The following SND1 variants were observed in gnomAD, a reference collection of about 807,000 sequenced individuals.
SND1 encodes the protein staphylococcal nuclease domain-containing protein 1.
A neutral mutation model predicts 121.7 loss-of-function variants in SND1; 38 were observed. That is an observed-to-expected ratio of 0.31 (90% CI 0.24 to 0.41). The LOEUF (loss-of-function observed/expected upper bound fraction) is 0.41, where lower values mean the gene tolerates loss of function less well. SND1 is among the 10% of genes least tolerant of loss of function. The pLI, the probability that SND1 is intolerant of heterozygous loss-of-function variation, is 1.00. For missense variants in SND1, 868 were observed against 1,184.6 expected (o/e 0.73, Z 3.92); for synonymous variants, 401 against 447.4 (o/e 0.90, Z 1.31).
intron 8 of SND1, 63 bp from the exon 9 acceptor site, chr7:127,707,494 C>A: frequency 7.5e-7 from 1 of 1,329,322 alleles, no homozygotes; most frequent in South Asian, 1.2e-5. Flanking sequence ...ACTGTGCTCC[C>A]ATGGTAGTGG....
chr7:127,904,705 G>A (rs762090783), intron 13 of SND1, 42 bp from the exon 14 acceptor site: 7 of 1,388,862 alleles, frequency 5.0e-6, no homozygotes, highest in African/African-American at 1.4e-5. Context: ...CCTTCCCATT[G>A]TGATTCTTGT....
At chr7:127,811,809 G>A (rs2116584641) in intron 11 of SND1, among the ~76,000 whole-genome samples, 1 of 152,262 alleles carries the variant, frequency 6.6e-6, no homozygotes, top group Middle Eastern at 3.4e-3. Context: ...AAATGTCTAA[G>A]CAGAGTTTTG....
chr7:127,905,789 A>G (rs1448169837), intron 14 of SND1, among the ~76,000 whole-genome samples: 2 of 152,132 alleles, frequency 1.3e-5, no homozygotes, highest in African/African-American at 4.8e-5. Flanking sequence ...TGCCCAGGGG[A>G]GATGAAGCCC....
At chr7:127,912,744 T>C in intron 14 of SND1, among the ~76,000 whole-genome samples, 1 of 152,172 alleles carries the variant, frequency 6.6e-6, no homozygotes. Flanking sequence ...GGGGAAACAA[T>C]TGTAGAAGCA....
chr7:127,735,012 G>A (rs2116419980), intron 10 of SND1, among the ~76,000 whole-genome samples: 1 of 152,292 alleles, frequency 6.6e-6, no homozygotes, highest in South Asian at 2.1e-4. Flanking sequence ...GAGTAAAGGA[G>A]GTTGCTGGAT....
At position 127,765,091 on chromosome 7, in the gene SND1, G is replaced by C. The variant is rs908056729; in HGVS notation, c.1153-42393G>C. ...ATGAGAAGACCATCAGAATCAGTTA[G>C]GTGATTATTTTCAATTTTGACTACA... On this transcript the variant is annotated intron_variant, in intron 10 of 23. Transcript: ENST00000354725. 3.9e-5 allele frequency among the ~76,000 whole-genome samples: 6 copies of C among 152,242 alleles called. No homozygotes were observed. The East Asian group carries it at 1.2e-3, about 29-fold the overall frequency.
chr7:127,683,847 C>T (rs891961147), intron 1 of SND1, among the ~76,000 whole-genome samples: 1 of 152,058 alleles, frequency 6.6e-6, no homozygotes, highest in African/African-American at 2.4e-5. Context: ...AAATCATCTC[C>T]GTAACATTGA....
intron 11 of SND1, among the ~76,000 whole-genome samples, chr7:127,826,355 G>A (rs1269086069): frequency 1.3e-5 from 2 of 151,650 alleles, no homozygotes; most frequent in South Asian, 2.1e-4. Context: ...ATGGTGATGT[G>A]GTTTTATTTT....
chr7:128,081,310 A>C (rs914775894), intron 17 of SND1, 50 bp from the exon 18 acceptor site: 1 of 1,609,538 alleles, frequency 6.2e-7, no homozygotes, highest in South Asian at 1.1e-5. Flanking sequence ...AGTGTCTTTT[A>C]TGACTTCACT....
Position 127,750,099 on chromosome 7 carries a change from C to A in SND1, c.1152+28699C>A, listed in dbSNP as rs565020596. 2.0e-5 allele frequency among the ~76,000 whole-genome samples: 3 copies of A among 152,190 alleles called. No individual in the cohort carries two copies. In the South Asian group the frequency reaches 6.2e-4, roughly 32 times the overall value. On this transcript the variant is annotated intron_variant, in intron 10 of 23. Coordinates refer to ENST00000354725, the MANE Select transcript of SND1 (RefSeq NM_014390.4). ...TGGGTGACAGAATGAGACCCTGTCT[C>A]AAAAACAAAATCAAACAAACAAAAA... is the stretch of plus-strand genomic sequence containing the variant.
At chr7:128,023,595 A>G (rs966731177) in intron 16 of SND1, among the ~76,000 whole-genome samples, 1 of 152,286 alleles carries the variant, frequency 6.6e-6, no homozygotes, top group South Asian at 2.1e-4. Flanking sequence ...GCACAAGGCA[A>G]GGTTTTCCTG....
At chr7:127,858,165 G>T (rs1799316697) in intron 12 of SND1, 1 of 816,568 alleles carries the variant, frequency 1.2e-6, no homozygotes, top group Non-Finnish European at 2.2e-6. Context: ...GGGGTCCCTA[G>T]GGCCTGGCAC....
chr7:128,023,476 A>C (rs1038956997), intron 16 of SND1, among the ~76,000 whole-genome samples: 1 of 152,220 alleles, frequency 6.6e-6, no homozygotes, highest in African/African-American at 2.4e-5. Context: ...CAGCTTATGC[A>C]TGACTATCAG....
intron 10 of SND1, among the ~76,000 whole-genome samples, chr7:127,780,794 G>A (rs936219822): frequency 2.0e-5 from 3 of 152,172 alleles, no homozygotes; most frequent in African/African-American, 7.2e-5. Context: ...ATCCTATTTG[G>A]TCATTTAGAG....
intron 11 of SND1, among the ~76,000 whole-genome samples, chr7:127,811,065 C>T (rs903453279): frequency 4.6e-5 from 7 of 152,176 alleles, no homozygotes; most frequent in Admixed American, 2.0e-4. Flanking sequence ...GCTTTAATGT[C>T]CCTTTTACTA....
rs1792494931 is a variant in SND1 at position 128,029,155 on chromosome 7, G to C, written c.1779+38099G>C. The stretch of plus-strand genomic sequence containing the variant: ...ACCTGCTTGGGCACACGGGTAGTCT[G>C]AATGAGCACCGTGGTAGAGGTGGTA... On this transcript the variant is annotated intron_variant, in intron 16 of 23. Transcript: ENST00000354725. This position sits in a 1 kb window ranked among gnomAD's most constrained non-coding sequence, Gnocchi z 4.2. The C allele has an allele frequency of 6.2e-7, 1 of 1,614,130 alleles. No individual in the cohort carries two copies. Among genetic ancestry groups the C allele is most frequent in the Non-Finnish European group, 8.5e-7 (1 of 1,180,028 alleles).
At chr7:127,768,891 T>A (rs941883357) in intron 10 of SND1, among the ~76,000 whole-genome samples, 1 of 152,206 alleles carries the variant, frequency 6.6e-6, no homozygotes, top group Non-Finnish European at 1.5e-5. Flanking sequence ...GTCCTTTCTC[T>A]TTTAAGTACA....
At chr7:127,976,412 C>T (rs755853092) in intron 15 of SND1, among the ~76,000 whole-genome samples, 2 of 152,244 alleles carry the variant, frequency 1.3e-5, no homozygotes, top group Admixed American at 1.3e-4. Context: ...TGTTGGGTAC[C>T]TGATTTTCTC....
intron 10 of SND1, among the ~76,000 whole-genome samples, chr7:127,756,748 ATTTCT>A (rs1392984286): frequency 6.6e-6 from 1 of 152,162 alleles, no homozygotes; most frequent in Non-Finnish European, 1.5e-5. Context: ...CAGCTTCTTC[ATTTCT>A]TAAGAGGTAG....
Sources: gnomAD v4.1 joint callset for allele counts (sites outside exome capture counted in the v4.1 genomes callset) on GRCh38, gnomAD v4.1.1 for gene constraint, Gnocchi (gnomAD v3.1) non-coding constraint, MANE v1.5 for transcripts, NCBI Gene and HGNC (gene_info 2026-07-23, HGNC 2026-07-21) for gene names.